The following ZNF507 variants were observed in gnomAD, a reference collection of about 807,000 sequenced individuals.
ZNF507 encodes zinc finger protein 507.
A neutral mutation model predicts 80.0 loss-of-function variants in ZNF507; 29 were observed. The observed-to-expected ratio is 0.36, with a 90% CI of 0.27 to 0.49. ZNF507 has a LOEUF of 0.49. Ranked by LOEUF, ZNF507 falls within the 20% of genes least tolerant of loss-of-function variation. The pLI is 0.98. For synonymous variants in ZNF507, 462 were observed against 422.5 expected (o/e 1.09, Z -1.15); for missense variants, 1,081 against 1,152.2 (o/e 0.94, Z 0.90).
In ZNF507 at chr19:32,353,879, A is replaced by G. The variant is rs1967208590; in HGVS notation, c.1049A>G (p.Gln350Arg). ...GCAGAAAGAGGAGTACACCTAAGTC[A>G]GTCAGTTACCCTGGACCCCAATGAG... Reference protein sequence around the residue: ...QSAERGVHLSQSVTLDPNEEE... With the variant: ...QSAERGVHLSRSVTLDPNEEE... Residue 350 changes from glutamine to arginine, a missense_variant, in exon 3 of 7, where the codon CAG (glutamine) becomes CGG (arginine). By Grantham distance (43) the Gln-to-Arg change is conservative. Around this residue, in one of 6 missense-constraint regions of ZNF507, gnomAD observed 614 missense variants for 583.9 expected, o/e 1.05. Coordinates refer to ENST00000355898, the MANE Select transcript of ZNF507 (RefSeq NM_001136156.2). The G allele has an allele frequency of 6.2e-7, 1 of 1,614,220 alleles. No individual in the cohort carries two copies. Among genetic ancestry groups the G allele is most frequent in the East Asian group, 2.2e-5 (1 of 44,892 alleles).
chr19:32,361,546 A>G (rs983441578), intron 5 of ZNF507, among the ~76,000 whole-genome samples: 4 of 152,306 alleles, frequency 2.6e-5, no homozygotes, highest in African/African-American at 9.6e-5. Context: ...CTTACTTATA[A>G]TCACTCTTCA....
chr19:32,380,355 C>CA lies in ZNF507; in HGVS notation c.2361-2102dup, dbSNP rs994679479. ...TGGGCAACAGAGCAAGACCCTGTCT[C>CA]AAAAAAAAAAGAACTAACTGCCTGT... is the stretch of plus-strand genomic sequence containing the variant. On this transcript the variant is annotated intron_variant, in intron 5 of 6. Coordinates refer to ENST00000355898, the MANE Select transcript of ZNF507 (RefSeq NM_001136156.2). Among the ~76,000 whole-genome samples the CA allele has an allele frequency of 4.9e-4, 72 of 146,202 alleles. No individual in the cohort carries two copies. The South Asian group carries it at 8.5e-3, about 17-fold the overall frequency.
chr19:32,348,065 C>G (rs1967118224), intron 2 of ZNF507, among the ~76,000 whole-genome samples: 1 of 152,086 alleles, frequency 6.6e-6, no homozygotes, highest in Non-Finnish European at 1.5e-5. Context: ...GTTTATAATT[C>G]AGGGACCTGA....
chr19:32,376,850 C>T (rs1467608445), intron 5 of ZNF507, among the ~76,000 whole-genome samples: 7 of 152,158 alleles, frequency 4.6e-5, no homozygotes, highest in East Asian at 1.9e-4. Flanking sequence ...GGTAAGGTCA[C>T]ATGGGTCACG....
At chr19:32,368,072 T>C (rs746829204) in intron 5 of ZNF507, among the ~76,000 whole-genome samples, 5 of 152,282 alleles carry the variant, frequency 3.3e-5, no homozygotes, top group Non-Finnish European at 7.4e-5. Flanking sequence ...GAACTCTTGC[T>C]CCTAATAACT....
chr19:32,361,304 A>G (rs1967318677), intron 5 of ZNF507, among the ~76,000 whole-genome samples: 1 of 152,204 alleles, frequency 6.6e-6, no homozygotes, highest in Non-Finnish European at 1.5e-5. Context: ...ATTCTCAGTG[A>G]TAGTGCTAGG....
At chr19:32,369,181 A>G (rs573718674) in intron 5 of ZNF507, among the ~76,000 whole-genome samples, 1 of 152,314 alleles carries the variant, frequency 6.6e-6, no homozygotes, top group Non-Finnish European at 1.5e-5. Flanking sequence ...CATTTTTTAT[A>G]CAGATACAGG....
chr19:32,368,108 A>G (rs962255830), intron 5 of ZNF507, among the ~76,000 whole-genome samples: 9 of 152,190 alleles, frequency 5.9e-5, no homozygotes, highest in African/African-American at 2.2e-4. Flanking sequence ...TCTGTGCTAC[A>G]CCAGGGAGAT....
At chr19:32,367,714 A>G (rs965338286) in intron 5 of ZNF507, among the ~76,000 whole-genome samples, 4 of 152,210 alleles carry the variant, frequency 2.6e-5, no homozygotes, top group Non-Finnish European at 5.9e-5. Flanking sequence ...AGCCTCATTT[A>G]CTAATATGGC....
At chr19:32,361,844 T>TTCCTTTCCTTCCTTCCTTTCC in intron 5 of ZNF507, among the ~76,000 whole-genome samples, 1 of 145,520 alleles carries the variant, frequency 6.9e-6, no homozygotes, top group East Asian at 2.1e-4. Flanking sequence ...CTTTCCTTTC[T>TTCCTTTCCTTCCTTCCTTTCC]TCCTTTCCTT....
chr19:32,359,574 A>G (rs1967294299), intron 4 of ZNF507: 1 of 152,174 alleles, frequency 6.6e-6, no homozygotes, highest in South Asian at 2.1e-4. Flanking sequence ...TCTTCAAGAA[A>G]TCGTTTTATA....
At chr19:32,362,919 A>G (rs1190289951) in intron 5 of ZNF507, among the ~76,000 whole-genome samples, 1 of 152,026 alleles carries the variant, frequency 6.6e-6, no homozygotes, top group Non-Finnish European at 1.5e-5. Flanking sequence ...CTTATTTTCT[A>G]ATGTCATGGC....
At chr19:32,378,881 TGAG>T (rs1568309980) in intron 5 of ZNF507, among the ~76,000 whole-genome samples, 1 of 152,070 alleles carries the variant, frequency 6.6e-6, no homozygotes, top group Non-Finnish European at 1.5e-5. Flanking sequence ...TGAATGAAAG[TGAG>T]GAGGCGAGTG....
At chr19:32,360,759 G>A (rs755838216) in intron 5 of ZNF507, 141 bp downstream of exon 5, 10 of 453,040 alleles carry the variant, frequency 2.2e-5, no homozygotes, top group Non-Finnish European at 3.4e-5. Flanking sequence ...TTTATATTTT[G>A]TTGTTTTATA....
At chr19:32,357,541 C>T (rs1967268843) in intron 4 of ZNF507, 1 of 152,132 alleles carries the variant, frequency 6.6e-6, no homozygotes, top group Non-Finnish European at 1.5e-5. Flanking sequence ...TTAAATTATA[C>T]CCCAGAAAGC....
chr19:32,360,454 T>C lies in ZNF507; in HGVS notation c.2246-50T>C, dbSNP rs112033102. 3,359 of 962,938 alleles carry C rather than the reference T, an allele frequency of 3.5e-3. 80 individuals are homozygous for C. The African/African-American group carries it at 0.045, about 13-fold the overall frequency. The allele number at this position is 962,938 out of a possible 1,614,324, so 59.6% of individuals were successfully genotyped here. A position where few individuals can be genotyped will look rare whatever the true frequency, so the allele number is the denominator to read the frequency against. ...TTACAATGGAATGTAAATGCTGTCA[T>C]TTGAATCTTGTCAAAGCCTGCTACT... On this transcript the variant is annotated intron_variant, in intron 4 of 6. Transcript: ENST00000355898.
In ZNF507 at chr19:32,383,327, G is replaced by A. The variant is rs1313835512; in HGVS notation, c.*244G>A. 1 of 464,678 alleles carries A rather than the reference G, an allele frequency of 2.2e-6. No homozygotes were observed. Among genetic ancestry groups the A allele is most frequent in the Non-Finnish European group, 3.9e-6 (1 of 258,272 alleles). 28.8% of individuals were successfully genotyped at this position (464,678 alleles called of 1,614,324 possible). On this transcript the variant is annotated 3_prime_UTR_variant, in exon 7 of 7. Transcript: ENST00000355898. The stretch of plus-strand genomic sequence containing the variant: ...AAAGAGGAAGTAGAGGTGTAATCCT[G>A]TATTAACCCTCTGTCACCCCTTCTT...
Position 32,384,833 on chromosome 19 carries a change from G to A in ZNF507, c.*1750G>A, listed in dbSNP as rs1044713231. 2 of 151,966 alleles carry A rather than the reference G, an allele frequency of 1.3e-5. No individual in the cohort carries two copies. The highest frequency in any genetic ancestry group is 2.1e-4 in the South Asian group (1 of 4,818). 9.4% of individuals were successfully genotyped at this position (151,966 alleles called of 1,614,324 possible). ...ATGAAAGTTAATCCATTTCTGATACGTGGTTTTTAAAAATATGAAATGGAT... is the reference window on the plus strand; with the variant it reads ...ATGAAAGTTAATCCATTTCTGATACATGGTTTTTAAAAATATGAAATGGAT... On this transcript the variant is annotated 3_prime_UTR_variant, in exon 7 of 7. Transcript: ENST00000355898.
At chr19:32,359,865 A>C (rs1032262357) in intron 4 of ZNF507, 10 of 152,146 alleles carry the variant, frequency 6.6e-5, no homozygotes, top group Non-Finnish European at 1.3e-4. Context: ...AAGAAAATGC[A>C]CTGGGTGAAA....
Sources: allele counts gnomAD v4.1 joint callset (sites outside exome capture counted in the v4.1 genomes callset), GRCh38; gene constraint gnomAD v4.1.1; regional missense constraint gnomAD v4.1.1; transcripts MANE v1.5; gene names NCBI Gene and HGNC (gene_info 2026-07-23, HGNC 2026-07-21).